ANO4: variants seen among roughly 807,000 people sequenced by gnomAD.
The protein encoded by ANO4 is anoctamin 4.
In ANO4, 69 loss-of-function variants were observed where a neutral mutation model predicts 141.9. The ratio of observed to expected loss-of-function variants is 0.49; its 90% confidence interval spans 0.40 to 0.59. ANO4 has a LOEUF of 0.59. ANO4 is among the 20% of genes least tolerant of loss of function. The probability of loss-of-function intolerance (pLI) is 0.00; values close to 1 mark genes in which losing one functional copy is unlikely to be tolerated. For synonymous variants in ANO4, 350 were observed against 394.3 expected (o/e 0.89, Z 1.33); for missense variants, 894 against 1,162.2 (o/e 0.77, Z 3.36).
chr12:101,066,992 T>C, intron 14 of ANO4: 1 of 253,278 alleles, frequency 3.9e-6, no homozygotes, highest in South Asian at 9.3e-5. Flanking sequence ...GAACTTAAAG[T>C]ATAACAAAAA....
chr12:101,020,904 A>G (rs955092569), intron 9 of ANO4, among the ~76,000 whole-genome samples: 1 of 152,140 alleles, frequency 6.6e-6, no homozygotes, highest in African/African-American at 2.4e-5. Flanking sequence ...ATAATGACCT[A>G]TATCAGTCAG....
At chr12:100,875,711 T>C (rs2039265659) in intron 1 of ANO4, among the ~76,000 whole-genome samples, 1 of 152,166 alleles carries the variant, frequency 6.6e-6, no homozygotes, top group Admixed American at 6.5e-5. Context: ...GTAAAGTCAA[T>C]AGGATTTGCT....
intron 3 of ANO4, among the ~76,000 whole-genome samples, chr12:100,933,277 AT>A (rs2042154974): frequency 6.6e-6 from 1 of 151,804 alleles, no homozygotes. Flanking sequence ...CGAGCCCCCC[AT>A]CCCACAACAG....
chr12:100,809,090 G>A (rs553796724), intron 1 of ANO4, among the ~76,000 whole-genome samples: 2 of 152,256 alleles, frequency 1.3e-5, no homozygotes, highest in Admixed American at 6.5e-5. Flanking sequence ...GGAATGAAAT[G>A]ATGAAAACAA....
At chr12:101,051,794 C>T (rs1351510821) in intron 14 of ANO4, among the ~76,000 whole-genome samples, 2 of 152,210 alleles carry the variant, frequency 1.3e-5, no homozygotes, top group Non-Finnish European at 2.9e-5. Flanking sequence ...CTGCTAGAAT[C>T]AGGTATTGTT....
At chr12:100,919,564 G>A (rs2041510450) in intron 2 of ANO4, among the ~76,000 whole-genome samples, 1 of 151,990 alleles carries the variant, frequency 6.6e-6, no homozygotes, top group Non-Finnish European at 1.5e-5. Context: ...AACTATGTTT[G>A]TGTAAGTACA....
intron 8 of ANO4, among the ~76,000 whole-genome samples, chr12:100,990,338 G>C (rs894933537): frequency 1.3e-5 from 2 of 152,210 alleles, no homozygotes; most frequent in South Asian, 4.2e-4. Flanking sequence ...TCTTGCTTTA[G>C]AACAATACTT....
At chr12:100,809,921 T>A (rs1176091196) in intron 1 of ANO4, among the ~76,000 whole-genome samples, 2 of 151,940 alleles carry the variant, frequency 1.3e-5, no homozygotes, top group African/African-American at 4.8e-5. Flanking sequence ...AGAGAGCCCC[T>A]ATGGAAGATT....
intron 8 of ANO4, among the ~76,000 whole-genome samples, chr12:101,007,091 G>T (rs1295537267): frequency 2.0e-5 from 3 of 152,214 alleles, no homozygotes; most frequent in Non-Finnish European, 2.9e-5. Context: ...CATGGTTCAT[G>T]ACTGTAATCC....
chr12:100,981,527 A>T (rs2044463581), intron 7 of ANO4, among the ~76,000 whole-genome samples: 2 of 152,046 alleles, frequency 1.3e-5, no homozygotes, highest in African/African-American at 4.8e-5. Context: ...AAGAAAAGAA[A>T]GCTCATCTGT....
At chr12:100,744,766 A>T (rs1222153625) in intron 3 of ANO4, among the ~76,000 whole-genome samples, 1 of 152,122 alleles carries the variant, frequency 6.6e-6, no homozygotes, top group African/African-American at 2.4e-5. Context: ...CTTCGTCTCC[A>T]TCCCTACTGA....
intron 1 of ANO4, among the ~76,000 whole-genome samples, chr12:100,851,008 CT>C (rs1397425554): frequency 6.6e-6 from 1 of 152,012 alleles, no homozygotes; most frequent in African/African-American, 2.4e-5. Flanking sequence ...ATTTTTAGCT[CT>C]TTTAAAATGT....
intron 25 of ANO4, among the ~76,000 whole-genome samples, chr12:101,120,251 G>C (rs1002432677): frequency 6.6e-6 from 1 of 152,172 alleles, no homozygotes; most frequent in Non-Finnish European, 1.5e-5. Context: ...ACATCTTGAT[G>C]ATGTCACTGA....
intron 8 of ANO4, among the ~76,000 whole-genome samples, chr12:101,011,210 T>G (rs753761896): frequency 6.6e-6 from 1 of 151,978 alleles, no homozygotes; most frequent in African/African-American, 2.4e-5. Context: ...TACTGTAGAT[T>G]AAAGCCATTC....
intron 8 of ANO4, among the ~76,000 whole-genome samples, chr12:100,987,950 C>G (rs1027160132): frequency 6.6e-6 from 1 of 152,226 alleles, no homozygotes; most frequent in African/African-American, 2.4e-5. Context: ...GACCCAGGCT[C>G]TGTCATTCTC....
chr12:101,069,827 G>A (rs1161512065), intron 14 of ANO4, among the ~76,000 whole-genome samples: 2 of 152,050 alleles, frequency 1.3e-5, no homozygotes, highest in African/African-American at 2.4e-5. Flanking sequence ...GTATCTACGG[G>A]TATATATGGA....
chr12:100,966,884 TAC>T (rs139462317), intron 5 of ANO4, among the ~76,000 whole-genome samples: 2,414 of 147,378 alleles, frequency 0.016, 42 homozygotes, highest in African/African-American at 0.043. Flanking sequence ...CACACACACA[TAC>T]ACACACACAC....
intron 9 of ANO4, among the ~76,000 whole-genome samples, chr12:101,032,540 G>A (rs1423425398): frequency 2.0e-5 from 3 of 152,170 alleles, no homozygotes; most frequent in South Asian, 2.1e-4. Flanking sequence ...AACCCACAAA[G>A]TGGGAGAAAA....
At chr12:101,096,153 G>A (rs2049972815) in intron 18 of ANO4, among the ~76,000 whole-genome samples, 1 of 152,072 alleles carries the variant, frequency 6.6e-6, no homozygotes, top group Admixed American at 6.6e-5. Context: ...CTTTGGAGCT[G>A]GGAGGAACTA....
Sources: allele counts gnomAD v4.1 joint callset (sites outside exome capture counted in the v4.1 genomes callset), GRCh38; gene constraint gnomAD v4.1.1; transcripts MANE v1.5; gene names NCBI Gene and HGNC (gene_info 2026-07-23, HGNC 2026-07-21).